Variants in SAMD5 observed in about 807,000 individuals in gnomAD.
SAMD5 encodes the protein sterile alpha motif domain containing 5.
A neutral mutation model predicts 11.3 loss-of-function variants in SAMD5; 13 were observed. That is an observed-to-expected ratio of 1.15 (90% CI 0.75 to 1.83). The LOEUF is 1.83. SAMD5 is among the 40% of genes most tolerant of loss of function. The pLI is 0.00. For missense variants in SAMD5, 255 were observed against 239.1 expected (o/e 1.07, Z -0.44); for synonymous variants, 129 against 111.3 (o/e 1.16, Z -1.00).
At chr6:147,933,648 A>AAAT in the SAMD5 span, among the ~76,000 whole-genome samples, 12 of 152,178 alleles carry the variant, frequency 7.9e-5, no homozygotes, top group African/African-American at 2.9e-4. Context: ...AACAATCTAA[A>AAAT]ATTCTGTGAC....
the SAMD5 span, among the ~76,000 whole-genome samples, chr6:147,851,447 T>A: frequency 2.0e-5 from 3 of 152,218 alleles, no homozygotes; most frequent in Non-Finnish European, 4.4e-5. Context: ...AAGGTTATAC[T>A]GAATTCTGAA....
chr6:147,545,860 T>C (rs1341046578), intron 1 of SAMD5, among the ~76,000 whole-genome samples: 1 of 152,192 alleles, frequency 6.6e-6, no homozygotes, highest in East Asian at 1.9e-4. Flanking sequence ...AGGATAGGAA[T>C]TTCTTGTAAC....
intron 1 of SAMD5, among the ~76,000 whole-genome samples, chr6:147,582,847 C>T (rs1789318924): frequency 6.6e-6 from 1 of 152,148 alleles, no homozygotes; most frequent in Non-Finnish European, 1.5e-5. Context: ...TTCATTGGCC[C>T]AGTGTTCATG....
chr6:147,573,751 G>A (rs1213202764), downstream of SAMD5, among the ~76,000 whole-genome samples: 1 of 152,226 alleles, frequency 6.6e-6, no homozygotes, highest in Non-Finnish European at 1.5e-5. Flanking sequence ...CAGCTGGGCA[G>A]TAGAATGTGG....
At chr6:147,909,426 G>A in the SAMD5 span, among the ~76,000 whole-genome samples, 2 of 152,054 alleles carry the variant, frequency 1.3e-5, no homozygotes, top group Non-Finnish European at 2.9e-5. Context: ...GAAAACCTGT[G>A]GGGTACATAA....
the SAMD5 span, among the ~76,000 whole-genome samples, chr6:147,791,398 G>A: frequency 6.6e-6 from 1 of 152,082 alleles, no homozygotes; most frequent in East Asian, 1.9e-4. Context: ...AAAAATTTAG[G>A]TTGTTTGTCA....
the SAMD5 span, among the ~76,000 whole-genome samples, chr6:147,944,515 C>G: frequency 2.1e-3 from 324 of 152,296 alleles, 1 homozygote; most frequent in African/African-American, 6.8e-3. Context: ...GTTTCCTCCC[C>G]TAACACATGG....
chr6:147,620,451 T>C (rs969233086), intron 1 of SAMD5, among the ~76,000 whole-genome samples: 11 of 152,224 alleles, frequency 7.2e-5, no homozygotes, highest in Non-Finnish European at 1.6e-4. Flanking sequence ...CTGTATTTAT[T>C]GTGCACCAAT....
At chr6:147,710,318 C>T (rs1046325159) in intron 1 of SAMD5, among the ~76,000 whole-genome samples, 36 of 152,180 alleles carry the variant, frequency 2.4e-4, no homozygotes, top group Non-Finnish European at 2.9e-5. Context: ...CTTGGGCTCA[C>T]TCTCTGAGGT....
At chr6:147,795,550 G>T in the SAMD5 span, among the ~76,000 whole-genome samples, 1 of 150,734 alleles carries the variant, frequency 6.6e-6, no homozygotes, top group African/African-American at 2.5e-5. Context: ...CTTTATAGCA[G>T]CATGATTTAT....
At chr6:147,668,570 G>A (rs148605502) in intron 1 of SAMD5, among the ~76,000 whole-genome samples, 5 of 152,274 alleles carry the variant, frequency 3.3e-5, no homozygotes, top group African/African-American at 7.2e-5. Flanking sequence ...TTGGCTGGGC[G>A]TGGTGGCTCA....
Position 147,568,119 on chromosome 6 carries a change from T to C in SAMD5, c.*3663T>C, listed in dbSNP as rs1789072923. ...TTTTCCTCTGATTTTATGACTGATTTACAAATTAGGAGTGCAAATGGGCTG... is the reference window on the plus strand; with the variant it reads ...TTTTCCTCTGATTTTATGACTGATTCACAAATTAGGAGTGCAAATGGGCTG... On this transcript the variant is annotated 3_prime_UTR_variant, in exon 2 of 2. Transcript: ENST00000367474. 1.0e-6 allele frequency: 1 copy of C among 985,228 alleles called. No individual in the cohort carries two copies. Among genetic ancestry groups the C allele is most frequent in the Non-Finnish European group, 1.2e-6 (1 of 829,914 alleles). The allele number at this position is 985,228 out of a possible 1,614,324, so 61.0% of individuals were successfully genotyped here. A position where few individuals can be genotyped will look rare whatever the true frequency, so the allele number is the denominator to read the frequency against.
intron 1 of SAMD5, among the ~76,000 whole-genome samples, chr6:147,654,793 T>TATA (rs1790541942): frequency 6.8e-6 from 1 of 147,526 alleles, no homozygotes; most frequent in Non-Finnish European, 1.5e-5. Context: ...AAAAAAAAAA[T>TATA]ATAAAACAAA....
At chr6:147,523,266 G>A (rs892152048) in intron 1 of SAMD5, among the ~76,000 whole-genome samples, 2 of 152,020 alleles carry the variant, frequency 1.3e-5, no homozygotes, top group Non-Finnish European at 2.9e-5. Flanking sequence ...TGTAACAAAG[G>A]TAAAATTGAA....
At chr6:147,937,220 G>T in the SAMD5 span, among the ~76,000 whole-genome samples, 1 of 152,192 alleles carries the variant, frequency 6.6e-6, no homozygotes, top group Non-Finnish European at 1.5e-5. Context: ...AAGCCTCTAG[G>T]TTCTTTTTGT....
At chr6:147,860,744 G>A in the SAMD5 span, among the ~76,000 whole-genome samples, 5 of 152,172 alleles carry the variant, frequency 3.3e-5, no homozygotes, top group African/African-American at 1.2e-4. Flanking sequence ...AGGATGACAA[G>A]ATAGCTTTCT....
At chr6:147,509,994 A>G (rs1379888284) in intron 1 of SAMD5, among the ~76,000 whole-genome samples, 1 of 152,136 alleles carries the variant, frequency 6.6e-6, no homozygotes, top group East Asian at 1.9e-4. Context: ...GATTTCCTAA[A>G]CTTGTGTATA....
chr6:147,769,000 C>T, the SAMD5 span, among the ~76,000 whole-genome samples: 1 of 152,076 alleles, frequency 6.6e-6, no homozygotes, highest in Non-Finnish European at 1.5e-5. Flanking sequence ...CACCATTTTG[C>T]CCAGGTTGGT....
rs9386186 is a variant in SAMD5, at chr6:147,617,228, G to T, written c.162+107841G>T. On this transcript the variant is annotated intron_variant, in intron 1 of 1. Transcript: ENST00000566741. ...ATTTGCAGAATTACACTAACTCAAA[G>T]GTTTATAGGCAATATTATTCTTCAG... Among the ~76,000 whole-genome samples, 1,218 of 151,498 alleles carry T rather than the reference G, an allele frequency of 8.0e-3. 52 individuals carry two copies. Among genetic ancestry groups the T allele is most frequent in the Admixed American group, 0.064 (975 of 15,248 alleles).
Sources: allele counts gnomAD v4.1 joint callset (sites outside exome capture counted in the v4.1 genomes callset), GRCh38; gene constraint gnomAD v4.1.1; transcripts MANE v1.5; gene names NCBI Gene and HGNC (gene_info 2026-07-23, HGNC 2026-07-21).